MARCHF10: variants seen among roughly 807,000 people sequenced by gnomAD.
MARCHF10 encodes the protein probable E3 ubiquitin-protein ligase MARCHF10.
In MARCHF10, 64 loss-of-function variants were observed where a neutral mutation model predicts 76.2. The observed-to-expected ratio is 0.84, with a 90% CI of 0.69 to 1.03. The LOEUF is 1.03. Ranked by LOEUF, MARCHF10 falls within the 50% of genes least tolerant of loss-of-function variation. MARCHF10 has a pLI of 0.00. For missense variants in MARCHF10, 875 were observed against 958.0 expected (o/e 0.91, Z 1.14); for synonymous variants, 340 against 357.5 (o/e 0.95, Z 0.55).
chr17:62,778,655 C>G (rs2092597794), intron 3 of MARCHF10, among the ~76,000 whole-genome samples: 3 of 144,230 alleles, frequency 2.1e-5, no homozygotes, highest in Non-Finnish European at 4.5e-5. Flanking sequence ...TGCACTCCAG[C>G]CTGGGTGAGA....
At chr17:62,740,210 C>T (rs1746238334) in intron 5 of MARCHF10, among the ~76,000 whole-genome samples, 1 of 152,098 alleles carries the variant, frequency 6.6e-6, no homozygotes, top group Non-Finnish European at 1.5e-5. Context: ...TGGGAATAGA[C>T]AGGCACACTG....
At position 62,741,539 on chromosome 17, in the gene MARCHF10, T is replaced by G. The variant is rs371036833; in HGVS notation, c.535+2837A>C. On this transcript the variant is annotated intron_variant, in intron 5 of 10. Coordinates refer to ENST00000311269, the MANE Select transcript of MARCHF10 (RefSeq NM_152598.4). ...TTCGTTGTTAGTTTCACTACTAGTA[T>G]TACGTATCATTTTTAAAACCTTAGT... 2.3e-4 allele frequency among the ~76,000 whole-genome samples: 35 copies of G among 152,330 alleles called. 1 individual carries two copies. The highest frequency in any genetic ancestry group is 9.6e-4 in the East Asian group (5 of 5,188).
chr17:62,730,911 A>AACAACG (rs375265728), intron 6 of MARCHF10, among the ~76,000 whole-genome samples: 1 of 151,572 alleles, frequency 6.6e-6, no homozygotes, highest in African/African-American at 2.4e-5. Flanking sequence ...CAACAACAAC[A>AACAACG]ACAACGACAA....
chr17:62,711,303 C>G lies in MARCHF10; in HGVS notation c.2256G>C (p.Leu752=). Residue 752 remains leucine, a synonymous_variant, in exon 9 of 11, where the codon CTG becomes CTC. Transcript: ENST00000311269. The surrounding 1 kb of genome is among the most constrained non-coding windows in gnomAD (Gnocchi z 4.4). ...ACCTCTGCTCATAGAGGTGAAGCAG[C>G]AGCACCAGGTACAAGCCTGAATTCA... ...ELMNSGLYLV[L]LLHLYEQRFA... 1 of 1,614,166 alleles carries G rather than the reference C, an allele frequency of 6.2e-7. No homozygotes were observed. Among genetic ancestry groups the G allele is most frequent in the Non-Finnish European group, 8.5e-7 (1 of 1,179,994 alleles).
At chr17:62,783,021 G>A (rs1026627586) in intron 3 of MARCHF10, among the ~76,000 whole-genome samples, 1 of 152,164 alleles carries the variant, frequency 6.6e-6, no homozygotes, top group Non-Finnish European at 1.5e-5. Flanking sequence ...CAGTAGAGAA[G>A]ATGAGGCCTT....
rs1206342489 is a variant in MARCHF10 at position 62,701,643 on chromosome 17, G to GA, written c.*59dup. 1 of 1,612,832 alleles carries GA rather than the reference G, an allele frequency of 6.2e-7. No individual in the cohort carries two copies. Among genetic ancestry groups the GA allele is most frequent in the Non-Finnish European group, 8.5e-7 (1 of 1,179,822 alleles). On this transcript the variant is annotated 3_prime_UTR_variant, in exon 11 of 11. Coordinates refer to ENST00000311269, the MANE Select transcript of MARCHF10 (RefSeq NM_152598.4). ...AGGAGGAGGGAGGGAGGCACTTGGG[G>GA]ACGTAGAAAGAAGGGCTGGCGGGAG...
intron 10 of MARCHF10, among the ~76,000 whole-genome samples, chr17:62,702,774 G>T (rs2089323753): frequency 6.6e-6 from 1 of 152,148 alleles, no homozygotes; most frequent in African/African-American, 2.4e-5. Context: ...ATCCTACCTG[G>T]ACCCTCTCAC....
chr17:62,708,537 C>A (rs35785003), intron 9 of MARCHF10, among the ~76,000 whole-genome samples: 4,802 of 152,286 alleles, frequency 0.032, 88 homozygotes, highest in Middle Eastern at 0.058. Flanking sequence ...AGCCACCGCA[C>A]CTGGCCAAAA....
intron 3 of MARCHF10, among the ~76,000 whole-genome samples, chr17:62,763,666 C>T (rs1178430822): frequency 1.3e-5 from 2 of 151,888 alleles, no homozygotes; most frequent in African/African-American, 2.4e-5. Context: ...CTTTGGGGGA[C>T]GAAAGCCAGC....
intron 3 of MARCHF10, among the ~76,000 whole-genome samples, chr17:62,763,999 T>C (rs889947803): frequency 6.6e-6 from 1 of 152,148 alleles, no homozygotes; most frequent in African/African-American, 2.4e-5. Flanking sequence ...GAGAAGGAAC[T>C]TAACTGGGTA....
In MARCHF10 at chr17:62,703,151, G is replaced by A. The variant is rs533655390; in HGVS notation, c.2372-1393C>T. On this transcript the variant is annotated intron_variant, in intron 10 of 10. Transcript: ENST00000311269. ...ATTTGTGTGAGGCTTTGGTTCTCAC[G>A]TGCAAGGGAGGGGGGCCTGGTCAGC... Among the ~76,000 whole-genome samples, 6 of 152,328 alleles carry A rather than the reference G, an allele frequency of 3.9e-5. No homozygotes were observed. In the South Asian group the frequency reaches 1.2e-3, roughly 32 times the overall value.
intron 10 of MARCHF10, among the ~76,000 whole-genome samples, chr17:62,703,158 G>A (rs2089351397): frequency 6.6e-6 from 1 of 152,238 alleles, no homozygotes; most frequent in Non-Finnish European, 1.5e-5. Context: ...CACGTGCAAG[G>A]GAGGGGGGCC....
In MARCHF10 at chr17:62,736,282, T is replaced by G; in HGVS notation, c.1586A>C (p.Asn529Thr). The G allele has an allele frequency of 1.2e-6, 2 of 1,614,180 alleles. No individual in the cohort carries two copies. Among genetic ancestry groups the G allele is most frequent in the Non-Finnish European group, 1.7e-6 (2 of 1,180,038 alleles). ...GTGTGCACTGTTTACTGGGAAATAA[T>G]TATGGTTTTCGGCACTGGCAAATGG... is the stretch of plus-strand genomic sequence containing the variant. Reference protein sequence around the residue: ...RTPFASAENHNYFPVNSAHEF... With the variant: ...RTPFASAENHTYFPVNSAHEF... The change falls in exon 6 of 11, where the codon AAT becomes ACT. Residue 529 changes from asparagine to threonine, a missense_variant. Asn to Thr is a moderately conservative substitution (Grantham distance 65, BLOSUM62 0). Transcript: ENST00000311269.
At chr17:62,763,749 C>T (rs1219457552) in intron 3 of MARCHF10, among the ~76,000 whole-genome samples, 3 of 152,156 alleles carry the variant, frequency 2.0e-5, no homozygotes, top group South Asian at 2.1e-4. Context: ...ACCCAACCTA[C>T]GTGACACTTA....
At chr17:62,726,357 T>C (rs549175329) in intron 6 of MARCHF10, among the ~76,000 whole-genome samples, 1 of 152,354 alleles carries the variant, frequency 6.6e-6, no homozygotes, top group African/African-American at 2.4e-5. Context: ...TGGAGAAATA[T>C]ATGCTCAATT....
intron 3 of MARCHF10, among the ~76,000 whole-genome samples, chr17:62,776,078 T>C (rs1377626102): frequency 6.6e-6 from 1 of 152,238 alleles, no homozygotes; most frequent in Non-Finnish European, 1.5e-5. Flanking sequence ...ATTACAGGCA[T>C]GAGTCACTGC....
chr17:62,736,540 T>C lies in MARCHF10; in HGVS notation c.1328A>G (p.Tyr443Cys), dbSNP rs749480828. 2.5e-6 allele frequency: 4 copies of C among 1,614,202 alleles called. No homozygotes were observed. The highest frequency in any genetic ancestry group is 2.5e-6 in the Non-Finnish European group (3 of 1,180,034). ...THDSEGYWKD[Y>C]LNSSQNSLDY... is the part of the protein sequence containing the mutation. The stretch of plus-strand genomic sequence containing the variant: ...AAGAGAATTTTGAGAACTGTTTAAA[T>C]AGTCTTTCCAGTATCCTTCAGAATC... Residue 443 changes from tyrosine to cysteine, a missense_variant, in exon 6 of 11, where the codon TAT becomes TGT. Coordinates refer to ENST00000311269, the MANE Select transcript of MARCHF10 (RefSeq NM_152598.4).
chr17:62,705,576 TGAC>T lies in MARCHF10; in HGVS notation c.2331_2333del (p.Ser778del), dbSNP rs1291587592. 5 of 1,613,984 alleles carry T rather than the reference TGAC, an allele frequency of 3.1e-6. No homozygotes were observed. The African/African-American group carries it at 6.7e-5, about 22-fold the overall frequency. On this transcript the variant is annotated inframe_deletion and splice_region_variant, in exon 10 of 11. Transcript: ENST00000311269. ...CTGTTCTGGGTTGTGGGTAATTTCT[TGAC>T]AACTACAAGAAAGAAGACAATGAGA...
At chr17:62,771,147 A>G (rs1379389531) in intron 3 of MARCHF10, among the ~76,000 whole-genome samples, 1 of 152,162 alleles carries the variant, frequency 6.6e-6, no homozygotes, top group Admixed American at 6.5e-5. Flanking sequence ...GCTGTAGATC[A>G]TGTAATCTAA....
Sources: gnomAD v4.1 joint callset for allele counts (sites outside exome capture counted in the v4.1 genomes callset) on GRCh38, gnomAD v4.1.1 for gene constraint, Gnocchi (gnomAD v3.1) non-coding constraint, MANE v1.5 for transcripts, NCBI Gene and HGNC (gene_info 2026-07-23, HGNC 2026-07-21) for gene names.